GRIP1: variants seen among roughly 807,000 people sequenced by gnomAD.
The protein encoded by GRIP1 is glutamate receptor-interacting protein 1.
GRIP1 carries 45 observed loss-of-function variants against 129.9 expected under a neutral mutation model. The observed-to-expected ratio is 0.35, with a 90% CI of 0.27 to 0.44. The LOEUF (loss-of-function observed/expected upper bound fraction) is 0.44. Among genes scored for constraint, GRIP1 ranks in the 20% least tolerant of loss-of-function variants. The probability of loss-of-function intolerance (pLI) is 1.00; values close to 1 mark genes in which losing one functional copy is unlikely to be tolerated. For missense variants in GRIP1, 1,196 were observed against 1,396.8 expected (o/e 0.86, Z 2.29); for synonymous variants, 530 against 520.8 (o/e 1.02, Z -0.24).
intron 1 of GRIP1, among the ~76,000 whole-genome samples, chr12:66,921,613 T>C (rs2041214692): frequency 6.6e-6 from 1 of 152,144 alleles, no homozygotes; most frequent in African/African-American, 2.4e-5. Context: ...CTGCACCCAC[T>C]CACTCATTTG....
At chr12:66,650,253 T>C (rs1039567078) in intron 1 of GRIP1, among the ~76,000 whole-genome samples, 2 of 152,126 alleles carry the variant, frequency 1.3e-5, no homozygotes, top group African/African-American at 4.8e-5. Context: ...AAAGATCTTA[T>C]GGGCCCAAGT....
chr12:66,760,046 G>A (rs1376770615), intron 1 of GRIP1, among the ~76,000 whole-genome samples: 2 of 152,124 alleles, frequency 1.3e-5, no homozygotes, highest in East Asian at 3.9e-4. Flanking sequence ...AGTAGAGATG[G>A]GGTTTCACTG....
intron 1 of GRIP1, among the ~76,000 whole-genome samples, chr12:66,838,133 C>T (rs563953438): frequency 3.3e-4 from 49 of 148,380 alleles, no homozygotes; most frequent in Non-Finnish European, 5.5e-4. Context: ...TGCAGTGAGC[C>T]GAGATCAGGC....
intron 1 of GRIP1, among the ~76,000 whole-genome samples, chr12:66,871,784 TGA>T (rs1214810856): frequency 3.3e-5 from 5 of 152,096 alleles, no homozygotes; most frequent in African/African-American, 1.2e-4. Flanking sequence ...GGGATTTTGT[TGA>T]GAGAGACTTG....
chr12:67,012,238 C>T (rs979562011), intron 1 of GRIP1, among the ~76,000 whole-genome samples: 1 of 152,182 alleles, frequency 6.6e-6, no homozygotes, highest in Non-Finnish European at 1.5e-5. Context: ...ACCAACCCTA[C>T]AGAATTATGA....
chr12:66,640,736 T>C (rs1476589933), intron 1 of GRIP1, among the ~76,000 whole-genome samples: 1 of 152,200 alleles, frequency 6.6e-6, no homozygotes, highest in Admixed American at 6.5e-5. Context: ...ATTCAAAGAA[T>C]TAATGTTTCA....
intron 1 of GRIP1, among the ~76,000 whole-genome samples, chr12:66,938,068 A>G (rs1393041979): frequency 6.6e-6 from 1 of 152,226 alleles, no homozygotes; most frequent in African/African-American, 2.4e-5. Flanking sequence ...GTTAATTTTT[A>G]TATTCGTTTC....
At chr12:66,692,943 T>TATAG in intron 1 of GRIP1, among the ~76,000 whole-genome samples, 1 of 152,326 alleles carries the variant, frequency 6.6e-6, no homozygotes, top group South Asian at 2.1e-4. Context: ...GAACAGTACC[T>TATAG]AACATATAAC....
chr12:67,007,656 T>A (rs998792192), intron 1 of GRIP1, among the ~76,000 whole-genome samples: 2 of 152,178 alleles, frequency 1.3e-5, no homozygotes, highest in African/African-American at 4.8e-5. Context: ...TTCCTCTTGT[T>A]ACTATTATCA....
intron 7 of GRIP1, among the ~76,000 whole-genome samples, chr12:66,500,820 T>G (rs1170382429): frequency 6.6e-6 from 1 of 152,188 alleles, no homozygotes; most frequent in African/African-American, 2.4e-5. Context: ...CAATAGAATG[T>G]CTTCAGGTAG....
At chr12:66,896,133 A>G (rs17247553) in intron 1 of GRIP1, among the ~76,000 whole-genome samples, 14,190 of 152,280 alleles carry the variant, frequency 0.093, 772 homozygotes, top group Admixed American at 0.18. Flanking sequence ...CTGGAGCAGG[A>G]TGAAGCTGCA....
chr12:66,690,548 A>G (rs2034945346), intron 1 of GRIP1, among the ~76,000 whole-genome samples: 5 of 151,310 alleles, frequency 3.3e-5, no homozygotes, highest in Non-Finnish European at 5.9e-5. Context: ...CGCAAGTGGG[A>G]TTACTGGATT....
intron 15 of GRIP1, among the ~76,000 whole-genome samples, chr12:66,419,695 C>T (rs918033480): frequency 2.6e-5 from 4 of 152,256 alleles, no homozygotes; most frequent in Admixed American, 6.5e-5. Flanking sequence ...AGAGAAACTT[C>T]TGTCTTGCTT....
intron 1 of GRIP1, among the ~76,000 whole-genome samples, chr12:66,707,829 C>G (rs1012930827): frequency 2.6e-5 from 4 of 151,950 alleles, no homozygotes; most frequent in Non-Finnish European, 4.4e-5. Flanking sequence ...TTACATGTTA[C>G]TGTTTTCCTG....
At chr12:66,883,822 G>C (rs2040519955) in intron 1 of GRIP1, among the ~76,000 whole-genome samples, 1 of 152,180 alleles carries the variant, frequency 6.6e-6, no homozygotes, top group Admixed American at 6.5e-5. Flanking sequence ...CCAGCTGTGG[G>C]ACCTTGGTCA....
rs556821672 is a variant in GRIP1, at chr12:66,748,436, T to C, written c.-420+55617A>G. Among the ~76,000 whole-genome samples the C allele has an allele frequency of 4.7e-4, 71 of 152,294 alleles. 1 individual carries two copies. Among genetic ancestry groups the C allele is most frequent in the African/African-American group, 1.7e-3 (71 of 41,548 alleles). On this transcript the variant is annotated intron_variant, in intron 1 of 4. Transcript: ENST00000538373. ...TAGCTCAGTTTCCTGAATTGTAAAATAAGGGTAATAGTAATCCCTAATCTC... is the reference window on the plus strand; with the variant it reads ...TAGCTCAGTTTCCTGAATTGTAAAACAAGGGTAATAGTAATCCCTAATCTC...
chr12:66,926,619 T>C (rs1444022423), intron 1 of GRIP1, among the ~76,000 whole-genome samples: 2 of 152,346 alleles, frequency 1.3e-5, no homozygotes, highest in East Asian at 3.9e-4. Context: ...TGTCAAGTTA[T>C]GCTATGTGAC....
intron 1 of GRIP1, among the ~76,000 whole-genome samples, chr12:66,618,474 G>C (rs1299838990): frequency 2.0e-5 from 3 of 151,936 alleles, no homozygotes; most frequent in Non-Finnish European, 4.4e-5. Context: ...CATATGTTTT[G>C]AGCTTTGAAT....
At chr12:67,008,488 T>G (rs2042659347) in intron 1 of GRIP1, among the ~76,000 whole-genome samples, 1 of 152,170 alleles carries the variant, frequency 6.6e-6, no homozygotes, top group African/African-American at 2.4e-5. Context: ...TTATTTAATG[T>G]ACAATAAAAG....
Sources: allele counts gnomAD v4.1 joint callset (sites outside exome capture counted in the v4.1 genomes callset), GRCh38; gene constraint gnomAD v4.1.1; transcripts MANE v1.5; gene names NCBI Gene and HGNC (gene_info 2026-07-23, HGNC 2026-07-21).